GPR173: variants seen among roughly 807,000 people sequenced by gnomAD.
GPR173 encodes the protein probable G protein-coupled receptor 173.
GPR173 carries 2 observed loss-of-function variants against 13.9 expected under a neutral mutation model. The observed-to-expected ratio is 0.14, with a 90% CI of 0.06 to 0.45. GPR173 has a LOEUF of 0.45. Among genes scored for constraint, GPR173 ranks in the 20% least tolerant of loss-of-function variants. GPR173 has a pLI of 0.98. For synonymous variants in GPR173, 131 were observed against 141.0 expected (o/e 0.93, Z 0.50); for missense variants, 202 against 340.5 (o/e 0.59, Z 3.20).
chrX:53,059,791 CA>C (rs199585364), intron 1 of GPR173, among the ~76,000 whole-genome samples: 23,297 of 63,842 alleles, frequency 0.36, 3,687 homozygotes, highest in African/African-American at 0.59. Context: ...GACCATGTCT[CA>C]AAAAAAAAAA....
intron 1 of GPR173, among the ~76,000 whole-genome samples, chrX:53,049,935 G>GGT (rs782209160): frequency 0.047 from 4,362 of 92,929 alleles, 138 homozygotes; most frequent in Middle Eastern, 0.094. Flanking sequence ...CTGCTGGCCG[G>GGT]GTGTGTGTGT....
At position 53,079,977 on chromosome X, in the gene GPR173, A is replaced by G. The variant is rs1556806443; in HGVS notation, c.*2234A>G. The G allele has an allele frequency of 8.1e-6, 1 of 122,803 alleles. No individual in the cohort carries two copies. The highest frequency in any genetic ancestry group is 3.3e-5 in the African/African-American group (1 of 30,631). 10.1% of individuals were successfully genotyped at this position (122,803 alleles called of 1,213,427 possible). On this transcript the variant is annotated 3_prime_UTR_variant, in exon 2 of 2. Transcript: ENST00000332582. ...GGCCGCCAGGGAACTTGAAAACCTC[A>G]TCTCCTCACAAAGCCTGTAGCCCCA... is the stretch of plus-strand genomic sequence containing the variant.
At chrX:53,064,961 G>A (rs1348956908) in intron 1 of GPR173, 2 of 111,706 alleles carry the variant, frequency 1.8e-5, no homozygotes, top group Non-Finnish European at 3.8e-5. Flanking sequence ...ATTCACTAAT[G>A]TGAATTTGTA....
At chrX:53,057,928 A>T (rs1932062390) in intron 1 of GPR173, among the ~76,000 whole-genome samples, 1 of 112,382 alleles carries the variant, frequency 8.9e-6, no homozygotes, top group South Asian at 3.6e-4. Flanking sequence ...GTATGTGTCC[A>T]TCTGCAAGTG....
intron 1 of GPR173, among the ~76,000 whole-genome samples, chrX:53,056,244 A>T (rs1486147622): frequency 1.8e-5 from 2 of 109,406 alleles, no homozygotes; most frequent in African/African-American, 6.7e-5. Context: ...GTATATGAGA[A>T]CGGGAGTATT....
rs184894947 is a variant in GPR173 at position 53,073,472 on chromosome X, C to T, written c.-97-3053C>T. Among the ~76,000 whole-genome samples, 497 of 110,515 alleles carry T rather than the reference C, an allele frequency of 4.5e-3. 2 individuals are homozygous for T. Among genetic ancestry groups the T allele is most frequent in the Non-Finnish European group, 8.0e-3 (424 of 52,922 alleles). On this transcript the variant is annotated intron_variant, in intron 1 of 1. Transcript: ENST00000332582. ...TGGTCACATCCCCACACTCCCGGAGCTCTCCTCTTTCCTGCAGCTTTGCTG... is the reference window on the plus strand; with the variant it reads ...TGGTCACATCCCCACACTCCCGGAGTTCTCCTCTTTCCTGCAGCTTTGCTG...
At chrX:53,065,160 A>T (rs782551263) in intron 1 of GPR173, 1 of 112,261 alleles carries the variant, frequency 8.9e-6, no homozygotes, top group African/African-American at 3.2e-5. Flanking sequence ...GTAAATAACA[A>T]TTGGTAGTTT....
At chrX:53,070,349 T>G (rs1556804660) in intron 1 of GPR173, among the ~76,000 whole-genome samples, 1 of 111,597 alleles carries the variant, frequency 9.0e-6, no homozygotes, top group Non-Finnish European at 1.9e-5. Context: ...TGTGTGTGAG[T>G]GTGTATCTGA....
intron 1 of GPR173, among the ~76,000 whole-genome samples, chrX:53,049,909 C>T (rs1931930112): frequency 9.2e-6 from 1 of 109,216 alleles, no homozygotes; most frequent in Non-Finnish European, 1.9e-5. Context: ...CTCCACTCTC[C>T]TCCAGGATCC....
intron 1 of GPR173, among the ~76,000 whole-genome samples, chrX:53,072,049 TG>T (rs1460426168): frequency 2.8e-5 from 3 of 107,693 alleles, no homozygotes; most frequent in Non-Finnish European, 5.8e-5. Flanking sequence ...GGGCTGCAGC[TG>T]CCAGTCTGCG....
intron 1 of GPR173, among the ~76,000 whole-genome samples, chrX:53,072,199 AC>A (rs1556804826): frequency 9.1e-6 from 1 of 109,988 alleles, no homozygotes; most frequent in African/African-American, 3.3e-5. Context: ...ACTCAGGGCT[AC>A]GCATTATCCA....
chrX:53,074,795 T>G (rs1932401330), intron 1 of GPR173, among the ~76,000 whole-genome samples: 1 of 96,984 alleles, frequency 1.0e-5, no homozygotes, highest in African/African-American at 3.7e-5. Context: ...TATTATAAAA[T>G]TATATATATA....
intron 1 of GPR173, among the ~76,000 whole-genome samples, chrX:53,050,149 G>A (rs1204194222): frequency 9.0e-6 from 1 of 111,059 alleles, no homozygotes; most frequent in Non-Finnish European, 1.9e-5. Context: ...AGATGTTGCC[G>A]ATTCCCAGCT....
intron 1 of GPR173, among the ~76,000 whole-genome samples, chrX:53,072,983 G>A (rs1450209431): frequency 9.0e-6 from 1 of 111,386 alleles, no homozygotes; most frequent in Non-Finnish European, 1.9e-5. Context: ...AACAATTTGG[G>A]AGGCCAAGGC....
At chrX:53,061,866 T>G (rs1932129310) in intron 1 of GPR173, among the ~76,000 whole-genome samples, 1 of 110,271 alleles carries the variant, frequency 9.1e-6, no homozygotes. Context: ...AAGTCCAAGG[T>G]TGAGGGGCAT....
In GPR173 at chrX:53,072,393, G is replaced by GCTCTCTCTCT. The variant is rs111935395; in HGVS notation, c.-97-4117_-97-4108dup. Among the ~76,000 whole-genome samples the GCTCTCTCTCT allele has an allele frequency of 3.3e-3, 294 of 90,089 alleles. 1 individual carries two copies. Among genetic ancestry groups the GCTCTCTCTCT allele is most frequent in the Middle Eastern group, 0.017 (3 of 179 alleles). The allele number at this position is 90,089 out of a possible 115,157, so 78.2% of individuals were successfully genotyped here. On this transcript the variant is annotated intron_variant, in intron 1 of 1. Transcript: ENST00000332582. ...TCCCTGCTCTCCTTTTCTCTCTCTTGCTCTCTCTCTCTCTCTCTCTCTCTA... is the reference window on the plus strand; with the variant it reads ...TCCCTGCTCTCCTTTTCTCTCTCTTGCTCTCTCTCTCTCTCTCTCTCTCTCTCTCTCTCTA...
At chrX:53,067,634 G>A (rs958167616) in intron 1 of GPR173, among the ~76,000 whole-genome samples, 1 of 111,009 alleles carries the variant, frequency 9.0e-6, no homozygotes, top group Non-Finnish European at 1.9e-5. Flanking sequence ...GACCATCCTG[G>A]CTAACACAGT....
rs1285559402 is a variant in GPR173 at position 53,078,595 on chromosome X, C to T, written c.*852C>T. The T allele has an allele frequency of 8.1e-6, 1 of 122,853 alleles. No homozygotes were observed. The highest frequency in any genetic ancestry group is 2.8e-4 in the East Asian group (1 of 3,553). The allele number at this position is 122,853 out of a possible 1,213,427, so 10.1% of individuals were successfully genotyped here. A position where few individuals can be genotyped will look rare whatever the true frequency, so the allele number is the denominator to read the frequency against. ...TCAGGATCCCCAGCCCCCAACTCTT[C>T]TTCCTGAGGATGGAAATCCACTCCA... On this transcript the variant is annotated 3_prime_UTR_variant, in exon 2 of 2. Transcript: ENST00000332582.
In GPR173 at chrX:53,049,055, C is replaced by CG. The variant is rs1304826842; in HGVS notation, c.-525dup. The stretch of plus-strand genomic sequence containing the variant: ...CAAAAGGCGGCGGCCAGCAGGCAGA[C>CG]GGAGGGGGGGGGTGGGGGGTGGGGG... On this transcript the variant is annotated 5_prime_UTR_variant, in exon 1 of 2. Transcript: ENST00000332582. The CG allele has an allele frequency of 2.0e-4, 1 of 4,956 alleles. No homozygotes were observed. The highest frequency in any genetic ancestry group is 3.8e-4 in the Non-Finnish European group (1 of 2,627). The allele number at this position is 4,956 out of a possible 1,213,427, so 0.4% of individuals were successfully genotyped here. A position where few individuals can be genotyped will look rare whatever the true frequency, so the allele number is the denominator to read the frequency against.
Sources: gnomAD v4.1 joint callset for allele counts (sites outside exome capture counted in the v4.1 genomes callset) on GRCh38, gnomAD v4.1.1 for gene constraint, MANE v1.5 for transcripts, NCBI Gene and HGNC (gene_info 2026-07-23, HGNC 2026-07-21) for gene names.